Variants in ERC2 observed in about 807,000 individuals in gnomAD.
ERC2 encodes the protein ELKS/RAB6-interacting/CAST family member 2, also known as ERC protein 2.
ERC2 carries 42 observed loss-of-function variants against 114.8 expected under a neutral mutation model. The ratio of observed to expected loss-of-function variants is 0.37; its 90% CI spans 0.29 to 0.47. ERC2 has a LOEUF of 0.47. Ranked by LOEUF, ERC2 falls within the 20% of genes least tolerant of loss-of-function variation. The pLI is 0.99. For synonymous variants in ERC2, 454 were observed against 425.5 expected, an observed-to-expected ratio of 1.07 and a Z score of -0.82; for missense variants, 939 against 1,150.7, an observed-to-expected ratio of 0.82 and a Z score of 2.66.
intron 15 of ERC2, among the ~76,000 whole-genome samples, chr3:55,730,284 T>C (rs2065176052): frequency 6.6e-6 from 1 of 152,146 alleles, no homozygotes; most frequent in Admixed American, 6.5e-5. Context: ...AAAATAAGGG[T>C]GATGCTTTCC....
chr3:55,938,178 C>A (rs2066572502), intron 13 of ERC2, among the ~76,000 whole-genome samples: 1 of 150,346 alleles, frequency 6.7e-6, no homozygotes, highest in East Asian at 2.0e-4. Context: ...CAGAGCCCAA[C>A]ATGATGCCTG....
chr3:56,135,392 C>T (rs1041919661), intron 6 of ERC2, among the ~76,000 whole-genome samples: 1 of 152,000 alleles, frequency 6.6e-6, no homozygotes, highest in African/African-American at 2.4e-5. Flanking sequence ...ATGCACATAC[C>T]AAAAATTCAA....
intron 17 of ERC2, chr3:55,659,127 G>A (rs1454435969): frequency 3.3e-5 from 5 of 152,148 alleles, no homozygotes; most frequent in Non-Finnish European, 7.3e-5. Flanking sequence ...TTGTTCTTCT[G>A]TCAGCATATT....
chr3:55,954,795 T>C (rs2067825495), intron 12 of ERC2, among the ~76,000 whole-genome samples: 1 of 152,074 alleles, frequency 6.6e-6, no homozygotes, highest in Non-Finnish European at 1.5e-5. Context: ...TTTGCCCAAG[T>C]AAACCCTTCT....
At chr3:56,372,559 C>A (rs76041219) in intron 2 of ERC2, among the ~76,000 whole-genome samples, 3,075 of 152,132 alleles carry the variant, frequency 0.02, 107 homozygotes, top group African/African-American at 0.068. Flanking sequence ...AAAACCCCAT[C>A]TCTACAAAAA....
At chr3:55,952,403 G>A (rs2067645083) in intron 12 of ERC2, among the ~76,000 whole-genome samples, 1 of 151,786 alleles carries the variant, frequency 6.6e-6, no homozygotes, top group Non-Finnish European at 1.5e-5. Context: ...CACACGTGAA[G>A]CCACCAAGTC....
chr3:55,654,383 G>A (rs1266116226), intron 17 of ERC2, among the ~76,000 whole-genome samples: 1 of 152,204 alleles, frequency 6.6e-6, no homozygotes, highest in African/African-American at 2.4e-5. Flanking sequence ...TTGAGGATGT[G>A]GTTTCCAGTC....
At chr3:56,187,192 C>T (rs888283675) in intron 3 of ERC2, among the ~76,000 whole-genome samples, 1 of 152,104 alleles carries the variant, frequency 6.6e-6, no homozygotes, top group Non-Finnish European at 1.5e-5. Flanking sequence ...CTGTGGGTTC[C>T]CCCAGCACTT....
At chr3:55,937,122 C>T (rs1027960946) in intron 13 of ERC2, among the ~76,000 whole-genome samples, 1 of 152,162 alleles carries the variant, frequency 6.6e-6, no homozygotes, top group South Asian at 2.1e-4. Flanking sequence ...GGGCAGATCA[C>T]TTGACATCAG....
At chr3:56,098,141 G>A (rs2078163550) in intron 6 of ERC2, among the ~76,000 whole-genome samples, 1 of 152,198 alleles carries the variant, frequency 6.6e-6, no homozygotes, top group African/African-American at 2.4e-5. Flanking sequence ...ACCTTCTGAT[G>A]ATGGATAAAC....
At chr3:55,679,151 G>T (rs189002596) in intron 17 of ERC2, among the ~76,000 whole-genome samples, 20 of 152,208 alleles carry the variant, frequency 1.3e-4, no homozygotes, top group Middle Eastern at 3.4e-3. Flanking sequence ...GCCATAAAAG[G>T]CCCTACGTTT....
intron 14 of ERC2, among the ~76,000 whole-genome samples, chr3:55,744,168 C>T (rs958946623): frequency 7.2e-5 from 11 of 152,004 alleles, no homozygotes; most frequent in East Asian, 1.9e-4. Flanking sequence ...TTTGGGAGGC[C>T]GAGGTGGGTG....
intron 3 of ERC2, among the ~76,000 whole-genome samples, chr3:56,284,107 T>C (rs2054527743): frequency 1.3e-5 from 2 of 152,272 alleles, no homozygotes; most frequent in East Asian, 1.9e-4. Context: ...TTCAAAGATA[T>C]ATGCAGGGTA....
chr3:56,193,800 T>C (rs536977971), intron 3 of ERC2, among the ~76,000 whole-genome samples: 1 of 152,186 alleles, frequency 6.6e-6, no homozygotes, highest in Non-Finnish European at 1.5e-5. Flanking sequence ...GTGATTGGTT[T>C]GAATCCGAAA....
intron 14 of ERC2, among the ~76,000 whole-genome samples, chr3:55,750,550 G>A (rs1212236552): frequency 6.6e-6 from 1 of 152,196 alleles, no homozygotes; most frequent in Non-Finnish European, 1.5e-5. Flanking sequence ...AGGCTTCACA[G>A]AGGATAAGGG....
At chr3:55,596,764 A>G (rs1372526197) in intron 17 of ERC2, among the ~76,000 whole-genome samples, 1 of 152,182 alleles carries the variant, frequency 6.6e-6, no homozygotes, top group Non-Finnish European at 1.5e-5. Context: ...ATGAAAGATA[A>G]GAACAACCTA....
At position 55,948,043 on chromosome 3, in the gene ERC2, G is replaced by T. The variant is rs528823876; in HGVS notation, c.2403+2382C>A. ...TATATCCAGGTTTGACTGAGGTGACGCAGGTTTTGTCTATTGCCTTTTGTG... is the reference window on the plus strand; with the variant it reads ...TATATCCAGGTTTGACTGAGGTGACTCAGGTTTTGTCTATTGCCTTTTGTG... On this transcript the variant is annotated intron_variant, in intron 13 of 17. Transcript: ENST00000288221. Among the ~76,000 whole-genome samples, 4 of 152,276 alleles carry T rather than the reference G, an allele frequency of 2.6e-5. No homozygotes were observed. In the East Asian group the frequency reaches 7.7e-4, roughly 29 times the overall value.
At chr3:56,448,365 TG>T (rs2062676759) in intron 1 of ERC2, among the ~76,000 whole-genome samples, 1 of 152,174 alleles carries the variant, frequency 6.6e-6, no homozygotes, top group African/African-American at 2.4e-5. Context: ...GCTAACAAAC[TG>T]GTAAACAAAA....
chr3:55,733,772 C>T (rs917823601), intron 15 of ERC2, among the ~76,000 whole-genome samples: 2 of 152,146 alleles, frequency 1.3e-5, no homozygotes, highest in African/African-American at 2.4e-5. Context: ...ACAGATCACT[C>T]TAGCAGGCAG....
Sources: allele counts gnomAD v4.1 joint callset (sites outside exome capture counted in the v4.1 genomes callset), GRCh38; gene constraint gnomAD v4.1.1; transcripts MANE v1.5; gene names NCBI Gene and HGNC (gene_info 2026-07-23, HGNC 2026-07-21).